The following RAPGEF1 variants were observed in gnomAD, a reference collection of about 807,000 sequenced individuals.
The protein encoded by RAPGEF1 is CRK SH3-binding GNRP.
RAPGEF1 carries 33 observed loss-of-function variants against 143.3 expected under a neutral mutation model. The ratio of observed to expected loss-of-function variants is 0.23; its 90% CI spans 0.17 to 0.31. The LOEUF (loss-of-function observed/expected upper bound fraction) is 0.31, where lower values mean the gene tolerates loss of function less well. RAPGEF1 is among the 10% of genes least tolerant of loss of function. The pLI, the probability that RAPGEF1 is intolerant of heterozygous loss-of-function variation, is 1.00. For missense variants in RAPGEF1, 1,199 were observed against 1,645.4 expected (o/e 0.73, Z 4.69); for synonymous variants, 629 against 676.5 (o/e 0.93, Z 1.09).
intron 12 of RAPGEF1, among the ~76,000 whole-genome samples, chr9:131,618,780 G>A (rs1029294196): frequency 2.0e-5 from 3 of 152,166 alleles, no homozygotes; most frequent in African/African-American, 7.2e-5. Flanking sequence ...GGGATAAAAA[G>A]GCTAAAATGT....
At chr9:131,593,486 G>A (rs928267311) in intron 17 of RAPGEF1, among the ~76,000 whole-genome samples, 16 of 152,186 alleles carry the variant, frequency 1.1e-4, no homozygotes, top group African/African-American at 3.6e-4. Context: ...GTGCAAACAC[G>A]CACTGCTTAA....
chr9:131,670,606 T>C (rs912421816), intron 1 of RAPGEF1, among the ~76,000 whole-genome samples: 3 of 152,110 alleles, frequency 2.0e-5, no homozygotes, highest in Non-Finnish European at 4.4e-5. Flanking sequence ...CAGACGCACA[T>C]CAAAGACCTC....
At position 131,628,227 on chromosome 9, in the gene RAPGEF1, G is replaced by A. The variant is rs1963836996; in HGVS notation, c.1018-131C>T. ...GGCGAACTCAGAAACCACCTCTGAC[G>A]TCAGTAGTCGAAGGACACATACAGC... On this transcript the variant is annotated intron_variant, in intron 8 of 26. Coordinates refer to ENST00000683357, the MANE Select transcript of RAPGEF1 (RefSeq NM_001377935.1). The surrounding 1 kb of genome is among the most constrained non-coding windows in gnomAD (Gnocchi z 5.7). The A allele has an allele frequency of 1.8e-5, 16 of 887,428 alleles. No homozygotes were observed. Among genetic ancestry groups the A allele is most frequent in the Non-Finnish European group, 2.5e-5 (15 of 600,118 alleles). The allele number at this position is 887,428 out of a possible 1,614,324, so 55.0% of individuals were successfully genotyped here.
At chr9:131,639,912 T>C (rs748040414) in intron 4 of RAPGEF1, among the ~76,000 whole-genome samples, 1 of 152,226 alleles carries the variant, frequency 6.6e-6, no homozygotes, top group African/African-American at 2.4e-5. Context: ...GAAACAATTT[T>C]TGCAAGGATC....
Position 131,655,744 on chromosome 9 carries a change from G to A in RAPGEF1, c.62-4795C>T, listed in dbSNP as rs1358931505. Reference sequence around the variant, plus strand: ...CTCCAGCCTGGGCGACTGCCACCACGCCTGGCTAATTTTTTTGTATTTTTA... The same window carrying A: ...CTCCAGCCTGGGCGACTGCCACCACACCTGGCTAATTTTTTTGTATTTTTA... On this transcript the variant is annotated intron_variant, in intron 1 of 26. Coordinates refer to ENST00000683357, the MANE Select transcript of RAPGEF1 (RefSeq NM_001377935.1). This position sits in a 1 kb window ranked among gnomAD's most constrained non-coding sequence, Gnocchi z 4.1. Among the ~76,000 whole-genome samples, 2 of 152,062 alleles carry A rather than the reference G, an allele frequency of 1.3e-5. No individual in the cohort carries two copies. Among genetic ancestry groups the A allele is most frequent in the African/African-American group, 2.4e-5 (1 of 41,408 alleles).
At chr9:131,665,037 G>A (rs996594926) in intron 1 of RAPGEF1, among the ~76,000 whole-genome samples, 3 of 152,190 alleles carry the variant, frequency 2.0e-5, no homozygotes, top group African/African-American at 7.2e-5. Flanking sequence ...AAGGCTAGGG[G>A]TATATATTCG....
intron 1 of RAPGEF1, among the ~76,000 whole-genome samples, chr9:131,727,932 A>T (rs773248077): frequency 2.8e-4 from 43 of 152,242 alleles, no homozygotes; most frequent in Non-Finnish European, 5.9e-4. Context: ...GCAGAAGCAC[A>T]AATTAGTGTG....
intron 11 of RAPGEF1, among the ~76,000 whole-genome samples, chr9:131,620,957 G>T (rs1344912842): frequency 6.6e-6 from 1 of 152,248 alleles, no homozygotes; most frequent in Non-Finnish European, 1.5e-5. Flanking sequence ...AGCCCAGGCA[G>T]CTCTGAACAA....
At chr9:131,686,458 C>G (rs190924040) in intron 1 of RAPGEF1, among the ~76,000 whole-genome samples, 45 of 152,298 alleles carry the variant, frequency 3.0e-4, no homozygotes, top group African/African-American at 1.0e-3. Flanking sequence ...CCCAACCCCC[C>G]ACCTGTATGG....
At chr9:131,698,458 T>G (rs570839555) in intron 1 of RAPGEF1, among the ~76,000 whole-genome samples, 1 of 152,196 alleles carries the variant, frequency 6.6e-6, no homozygotes, top group Non-Finnish European at 1.5e-5. Flanking sequence ...CAAAGAACTC[T>G]TGTGATGATT....
intron 1 of RAPGEF1, among the ~76,000 whole-genome samples, chr9:131,724,539 G>A (rs1437542901): frequency 1.3e-5 from 2 of 152,076 alleles, no homozygotes; most frequent in Non-Finnish European, 2.9e-5. Flanking sequence ...AGCTTGCAGT[G>A]AGCCGAGATC....
chr9:131,678,156 G>A (rs1237111553), intron 1 of RAPGEF1, among the ~76,000 whole-genome samples: 2 of 152,176 alleles, frequency 1.3e-5, no homozygotes, highest in African/African-American at 4.8e-5. Context: ...CAGCAAATGA[G>A]ACACTTTAAA....
chr9:131,672,413 C>T (rs1218738449), intron 1 of RAPGEF1, among the ~76,000 whole-genome samples: 4 of 152,208 alleles, frequency 2.6e-5, no homozygotes, highest in Non-Finnish European at 4.4e-5. Context: ...GCATCAGTGT[C>T]ACATGGGAGG....
At position 131,626,504 on chromosome 9, in the gene RAPGEF1, C is replaced by A. The variant is rs548961468; in HGVS notation, c.1202-82G>T. 2.1e-6 allele frequency: 3 copies of A among 1,414,166 alleles called. No homozygotes were observed. The South Asian group carries it at 4.3e-5, about 20-fold the overall frequency. 87.6% of individuals were successfully genotyped at this position (1,414,166 alleles called of 1,614,324 possible). On this transcript the variant is annotated intron_variant, in intron 9 of 26. Transcript: ENST00000683357. The stretch of plus-strand genomic sequence containing the variant: ...CCAGCTCCCCCCGCCCGCCTCTCGC[C>A]GGCTCGCTCATGGGTGTGTGACAAA...
chr9:131,586,525 AAC>A lies in RAPGEF1; in HGVS notation c.3233+1209_3233+1210del, dbSNP rs57523580. On this transcript the variant is annotated intron_variant, in intron 22 of 26. Transcript: ENST00000683357. ...ACACCTGCAGAGCGAGACTCCGTCA[AAC>A]ACACACACACACACACACCTGCAGA... is the stretch of plus-strand genomic sequence containing the variant. Among the ~76,000 whole-genome samples, 6 of 5,902 alleles carry A rather than the reference AAC, an allele frequency of 1.0e-3. No individual in the cohort carries two copies. The East Asian group carries it at 0.02, about 20-fold the overall frequency. 3.9% of individuals were successfully genotyped at this position (5,902 alleles called of 152,430 possible).
chr9:131,609,318 A>T (rs1957633641), intron 12 of RAPGEF1, among the ~76,000 whole-genome samples: 1 of 152,112 alleles, frequency 6.6e-6, no homozygotes, highest in African/African-American at 2.4e-5. Flanking sequence ...TGAGGCTGGG[A>T]GGGGAGACCA....
At chr9:131,620,649 C>T (rs1308930554) in intron 11 of RAPGEF1, among the ~76,000 whole-genome samples, 1 of 152,178 alleles carries the variant, frequency 6.6e-6, no homozygotes, top group East Asian at 1.9e-4. Flanking sequence ...CTTTCCTCTA[C>T]TGGACATGGC....
At chr9:131,693,656 G>A (rs1833933802) in intron 1 of RAPGEF1, among the ~76,000 whole-genome samples, 1 of 152,014 alleles carries the variant, frequency 6.6e-6, no homozygotes, top group African/African-American at 2.4e-5. Flanking sequence ...TTCTATTCAA[G>A]TGTTTCTCAA....
At chr9:131,734,771 T>C (rs1837309753) in intron 1 of RAPGEF1, among the ~76,000 whole-genome samples, 1 of 152,242 alleles carries the variant, frequency 6.6e-6, no homozygotes, top group African/African-American at 2.4e-5. Flanking sequence ...AAATATATCA[T>C]GACAAAAATG....
Sources: gnomAD v4.1 joint callset for allele counts (sites outside exome capture counted in the v4.1 genomes callset) on GRCh38, gnomAD v4.1.1 for gene constraint, Gnocchi (gnomAD v3.1) non-coding constraint, MANE v1.5 for transcripts, NCBI Gene and HGNC (gene_info 2026-07-23, HGNC 2026-07-21) for gene names.